The following NECAB1 variants were observed in gnomAD, a reference collection of about 807,000 sequenced individuals.
NECAB1 encodes N-terminal EF-hand calcium binding protein 1, also known as N-terminal EF-hand calcium-binding protein 1.
In NECAB1, 29 loss-of-function variants were observed where a neutral mutation model predicts 57.5. The observed-to-expected ratio is 0.50, with a 90% CI of 0.38 to 0.69. The LOEUF is 0.69. Among genes scored for constraint, NECAB1 ranks in the 30% least tolerant of loss-of-function variants. The pLI, the probability that NECAB1 is intolerant of heterozygous loss-of-function variation, is 0.00. For missense variants in NECAB1, 372 were observed against 413.8 expected, an observed-to-expected ratio of 0.90 and a Z score of 0.88; for synonymous variants, 142 against 147.7, an observed-to-expected ratio of 0.96 and a Z score of 0.28.
At chr8:90,799,718 T>A (rs1221668682) in intron 1 of NECAB1, among the ~76,000 whole-genome samples, 3 of 152,238 alleles carry the variant, frequency 2.0e-5, no homozygotes, top group African/African-American at 7.2e-5. Flanking sequence ...CCTTACTGTA[T>A]AGTTTGAAGT....
chr8:90,928,240 A>G lies in NECAB1; in HGVS notation c.634A>G (p.Asn212Asp), dbSNP rs543341957. 7.1e-5 allele frequency: 115 copies of G among 1,609,662 alleles called. 2 individuals carry two copies. The South Asian group carries it at 1.2e-3, about 17-fold the overall frequency. The change falls in exon 8 of 13, where the codon AAC (asparagine) becomes GAC (aspartate). Residue 212 changes from asparagine to aspartate, a missense_variant. Coordinates refer to ENST00000417640, the MANE Select transcript of NECAB1 (RefSeq NM_022351.5). ...VSGPGLLEEDNQWMTQINRLQ... is the reference protein window; with the variant it reads ...VSGPGLLEEDDQWMTQINRLQ... ...GGCCCCAGGCTTATTAGAAGAAGAC[A>G]ACCAGTGGATGACCCAGATAAATAG...
chr8:90,813,242 C>T (rs933366979), intron 2 of NECAB1: 25 of 56,586 alleles, frequency 4.4e-4, no homozygotes, highest in South Asian at 2.3e-3. Context: ...TATACACACA[C>T]ACACACACAC....
chr8:90,809,555 T>A (rs1219481357), intron 2 of NECAB1, among the ~76,000 whole-genome samples: 1 of 152,218 alleles, frequency 6.6e-6, no homozygotes, highest in Non-Finnish European at 1.5e-5. Context: ...AAGTGTTAAG[T>A]AAGAGAGATG....
intron 8 of NECAB1, among the ~76,000 whole-genome samples, chr8:90,929,006 G>C (rs1810344592): frequency 6.6e-6 from 1 of 152,122 alleles, no homozygotes. Context: ...CAGGCACCAA[G>C]GGAGAAACAT....
At chr8:90,885,248 T>C (rs1808949900) in intron 5 of NECAB1, among the ~76,000 whole-genome samples, 1 of 152,144 alleles carries the variant, frequency 6.6e-6, no homozygotes, top group Non-Finnish European at 1.5e-5. Context: ...GTGGATATGC[T>C]AGGAGGATGG....
intron 5 of NECAB1, among the ~76,000 whole-genome samples, chr8:90,909,669 A>G (rs1355347381): frequency 2.4e-5 from 1 of 40,980 alleles, no homozygotes; most frequent in African/African-American, 8.0e-4. Context: ...GGTAATCTAG[A>G]TTTTATTTTG....
chr8:90,909,586 C>G (rs1026805840), intron 5 of NECAB1, among the ~76,000 whole-genome samples: 10 of 152,020 alleles, frequency 6.6e-5, no homozygotes, highest in Non-Finnish European at 1.5e-4. Context: ...ATTCTTGGCT[C>G]TATTTTAAAT....
chr8:90,896,493 T>C (rs182104804), intron 5 of NECAB1, among the ~76,000 whole-genome samples: 118 of 152,044 alleles, frequency 7.8e-4, no homozygotes, highest in African/African-American at 2.7e-3. Flanking sequence ...TAGTCCCAGC[T>C]ACTCAGGAGG....
At chr8:90,944,184 T>A (rs748928593) in intron 10 of NECAB1, among the ~76,000 whole-genome samples, 5 of 152,194 alleles carry the variant, frequency 3.3e-5, no homozygotes, top group Non-Finnish European at 7.3e-5. Flanking sequence ...CTTGTCAATA[T>A]TTGGTCATCC....
chr8:90,812,637 G>C (rs1811981298), intron 2 of NECAB1: 1 of 151,988 alleles, frequency 6.6e-6, no homozygotes. Flanking sequence ...GCATTTGACT[G>C]AATTATTTAT....
At chr8:90,850,490 A>G (rs1812662633) in intron 3 of NECAB1, among the ~76,000 whole-genome samples, 1 of 152,236 alleles carries the variant, frequency 6.6e-6, no homozygotes, top group Non-Finnish European at 1.5e-5. Flanking sequence ...AGTCTGGAAC[A>G]AATAGCAAAC....
intron 4 of NECAB1, among the ~76,000 whole-genome samples, chr8:90,877,956 A>G (rs985911334): frequency 4.6e-5 from 7 of 152,042 alleles, no homozygotes; most frequent in African/African-American, 1.4e-4. Context: ...GTTAAGTCCT[A>G]TTCATCTGTT....
At chr8:90,844,015 G>A (rs1238798367) in intron 3 of NECAB1, among the ~76,000 whole-genome samples, 2 of 152,116 alleles carry the variant, frequency 1.3e-5, no homozygotes, top group Non-Finnish European at 2.9e-5. Context: ...AACAGATCAT[G>A]AAACTCAGGT....
chr8:90,825,545 C>A (rs1812210215), intron 3 of NECAB1, among the ~76,000 whole-genome samples: 1 of 151,796 alleles, frequency 6.6e-6, no homozygotes, highest in African/African-American at 2.4e-5. Context: ...CCATTTCAAC[C>A]ATGTCTTCAG....
chr8:90,954,067 AAAATAAATAAATAAATAAAT>A lies in NECAB1; in HGVS notation c.1031-1390_1031-1371del, dbSNP rs60959508. Among the ~76,000 whole-genome samples, 12 of 142,644 alleles carry A rather than the reference AAAATAAATAAATAAATAAAT, an allele frequency of 8.4e-5. No individual in the cohort carries two copies. In the South Asian group the frequency reaches 2.5e-3, roughly 30 times the overall value. 93.6% of individuals were successfully genotyped at this position (142,644 alleles called of 152,430 possible). ...CTGGGTGACAGAACGAGACTGTCTC[AAAATAAATAAATAAATAAAT>A]AAATAAATAAATAAATAAATAAATA... On this transcript the variant is annotated intron_variant, in intron 12 of 12. Coordinates refer to ENST00000417640, the MANE Select transcript of NECAB1 (RefSeq NM_022351.5).
chr8:90,948,049 G>A (rs1031205080), intron 10 of NECAB1, among the ~76,000 whole-genome samples: 1 of 152,168 alleles, frequency 6.6e-6, no homozygotes, highest in Admixed American at 6.5e-5. Context: ...GAAATACAAG[G>A]CTGAGTATTT....
chr8:90,864,750 A>T (rs1808477313), intron 3 of NECAB1, among the ~76,000 whole-genome samples: 1 of 152,040 alleles, frequency 6.6e-6, no homozygotes, highest in African/African-American at 2.4e-5. Context: ...TGTAGATGGG[A>T]TTCTACCATG....
intron 5 of NECAB1, among the ~76,000 whole-genome samples, chr8:90,894,218 G>A (rs1358949335): frequency 6.6e-6 from 1 of 152,058 alleles, no homozygotes; most frequent in Non-Finnish European, 1.5e-5. Flanking sequence ...TTTAATAATG[G>A]TTATGCTAAA....
At chr8:90,885,503 A>G (rs1408964451) in intron 5 of NECAB1, among the ~76,000 whole-genome samples, 1 of 152,238 alleles carries the variant, frequency 6.6e-6, no homozygotes, top group Non-Finnish European at 1.5e-5. Flanking sequence ...ACTAGCATTC[A>G]TATAGCACCT....
Sources: allele counts gnomAD v4.1 joint callset (sites outside exome capture counted in the v4.1 genomes callset), GRCh38; gene constraint gnomAD v4.1.1; transcripts MANE v1.5; gene names NCBI Gene and HGNC (gene_info 2026-07-23, HGNC 2026-07-21).